Variants in SAMSN1 observed in about 807,000 individuals in gnomAD.
SAMSN1 encodes SAM domain-containing protein SAMSN-1.
SAMSN1 carries 31 observed loss-of-function variants against 42.0 expected under a neutral mutation model. That is an observed-to-expected ratio of 0.74 (90% CI 0.55 to 1.00). The LOEUF (loss-of-function observed/expected upper bound fraction) is 1.00, where lower values mean the gene tolerates loss of function less well. Ranked by LOEUF, SAMSN1 falls within the 50% of genes least tolerant of loss-of-function variation. The pLI is 0.00. For synonymous variants in SAMSN1, 178 were observed against 151.9 expected (o/e 1.17, Z -1.26); for missense variants, 464 against 439.4 (o/e 1.06, Z -0.50).
At chr21:14,593,509 T>C (rs948180086) in intron 7 of SAMSN1, among the ~76,000 whole-genome samples, 5 of 152,146 alleles carry the variant, frequency 3.3e-5, no homozygotes, top group Non-Finnish European at 5.9e-5. Context: ...GATTTTAATA[T>C]CATAAGGGAG....
intron 7 of SAMSN1, among the ~76,000 whole-genome samples, chr21:14,494,217 C>A (rs1293802786): frequency 1.3e-5 from 2 of 152,140 alleles, no homozygotes; most frequent in Admixed American, 1.3e-4. Flanking sequence ...TGGGTCTATA[C>A]CCAAAGGATT....
At chr21:14,565,909 C>A (rs1277014385) in intron 2 of SAMSN1, among the ~76,000 whole-genome samples, 1 of 152,088 alleles carries the variant, frequency 6.6e-6, no homozygotes. Flanking sequence ...AAAGGCAAAC[C>A]AACAAACCTT....
intron 2 of SAMSN1, among the ~76,000 whole-genome samples, chr21:14,569,984 T>TCCCC (rs5842490): frequency 6.7e-6 from 1 of 149,658 alleles, no homozygotes; most frequent in African/African-American, 2.5e-5. Context: ...TTAACCACTT[T>TCCCC]CCCCCCCCCC....
chr21:14,604,455 C>T (rs1982514734), intron 5 of SAMSN1, among the ~76,000 whole-genome samples: 1 of 152,108 alleles, frequency 6.6e-6, no homozygotes, highest in Non-Finnish European at 1.5e-5. Context: ...AGTGGAGGAC[C>T]TATATCCCAG....
At chr21:14,648,715 A>T (rs962945858) in intron 1 of SAMSN1, among the ~76,000 whole-genome samples, 4 of 151,380 alleles carry the variant, frequency 2.6e-5, no homozygotes, top group Non-Finnish European at 5.9e-5. Flanking sequence ...CAAAACCACA[A>T]TGAGATACCA....
Position 14,601,962 on chromosome 21 carries a change from T to G in SAMSN1, c.399+61A>C, listed in dbSNP as rs1220751682. On this transcript the variant is annotated intron_variant, in intron 6 of 15. Transcript: ENST00000647101. ...GTATTGTACACTATGCCTAATATAT[T>G]ACAGAGCTGAGTAACAAGACGATTT... is the stretch of plus-strand genomic sequence containing the variant. The G allele has an allele frequency of 1.8e-5, 11 of 613,630 alleles. No individual in the cohort carries two copies. The Admixed American group carries it at 2.8e-4, about 16-fold the overall frequency. The allele number at this position is 613,630 out of a possible 1,614,324, so 38.0% of individuals were successfully genotyped here.
intron 3 of SAMSN1, among the ~76,000 whole-genome samples, chr21:14,615,520 A>C (rs576546067): frequency 6.6e-6 from 1 of 152,292 alleles, no homozygotes; most frequent in Non-Finnish European, 1.5e-5. Flanking sequence ...TTATCAATTA[A>C]AATCCCATTA....
At chr21:14,569,856 G>A (rs1316665762) in intron 2 of SAMSN1, among the ~76,000 whole-genome samples, 2 of 151,990 alleles carry the variant, frequency 1.3e-5, no homozygotes, top group Non-Finnish European at 2.9e-5. Context: ...AAATATGATG[G>A]TTCTTACCAA....
rs188707915 is a variant in SAMSN1, at chr21:14,578,756, G to C, written c.261+3380C>G. Among the ~76,000 whole-genome samples, 5 of 147,958 alleles carry C rather than the reference G, an allele frequency of 3.4e-5. No individual in the cohort carries two copies. The South Asian group carries it at 6.6e-4, about 19-fold the overall frequency. On this transcript the variant is annotated intron_variant, in intron 2 of 8. Coordinates refer to the SAMSN1 transcript ENST00000285670. ...AATTTTTGAAGTCAAGGAGAAACTAGTGTCCTTGTAGATTAGATTCATTTC... is the reference window on the plus strand; with the variant it reads ...AATTTTTGAAGTCAAGGAGAAACTACTGTCCTTGTAGATTAGATTCATTTC...
At chr21:14,566,234 T>C (rs1338553506) in intron 2 of SAMSN1, among the ~76,000 whole-genome samples, 1 of 152,164 alleles carries the variant, frequency 6.6e-6, no homozygotes, top group African/African-American at 2.4e-5. Flanking sequence ...CTAATTGTGT[T>C]AAATAAGGAT....
chr21:14,603,154 T>C (rs1266661651), intron 5 of SAMSN1, among the ~76,000 whole-genome samples: 1 of 152,056 alleles, frequency 6.6e-6, no homozygotes, highest in Non-Finnish European at 1.5e-5. Context: ...AGCTTGGTTT[T>C]TAGTTTCTGA....
At chr21:14,568,994 T>TA (rs2123214412) in intron 2 of SAMSN1, among the ~76,000 whole-genome samples, 1 of 152,120 alleles carries the variant, frequency 6.6e-6, no homozygotes, top group African/African-American at 2.4e-5. Context: ...AGTCCAGCAT[T>TA]AAAAAACATT....
At position 14,640,531 on chromosome 21, in the gene SAMSN1, G is replaced by C. The variant is rs972813566; in HGVS notation, c.156+2471C>G. ...AACTTTTTTTCCTTACATCAAGATG[G>C]GGGAAGGAAGTGCCAATACCAGGAG... On this transcript the variant is annotated intron_variant, in intron 2 of 15. Coordinates refer to the SAMSN1 transcript ENST00000647101. 9.9e-5 allele frequency among the ~76,000 whole-genome samples: 15 copies of C among 152,066 alleles called. No homozygotes were observed. The South Asian group carries it at 2.3e-3, about 23-fold the overall frequency.
chr21:14,494,520 A>C (rs1214741772), intron 7 of SAMSN1, among the ~76,000 whole-genome samples: 3 of 152,154 alleles, frequency 2.0e-5, no homozygotes, highest in Non-Finnish European at 4.4e-5. Flanking sequence ...GAACACATGG[A>C]CACAGGGAGG....
At chr21:14,521,081 T>C in intron 2 of SAMSN1, 69 bp downstream of exon 2, 3 of 968,648 alleles carry the variant, frequency 3.1e-6, no homozygotes, top group East Asian at 2.5e-5. Flanking sequence ...TTTGCAAAAG[T>C]GACATTGTCT....
At chr21:14,578,301 C>T (rs752789085) in intron 2 of SAMSN1, among the ~76,000 whole-genome samples, 43 of 152,060 alleles carry the variant, frequency 2.8e-4, no homozygotes, top group Non-Finnish European at 4.9e-4. Context: ...CCGGCAATGT[C>T]GGAGCTGCAT....
chr21:14,547,369 T>A (rs1980447167), upstream of SAMSN1, among the ~76,000 whole-genome samples: 6 of 152,176 alleles, frequency 3.9e-5, no homozygotes, highest in Admixed American at 3.9e-4. Flanking sequence ...ATAGTCCTGG[T>A]AGAGCTAATA....
At chr21:14,582,536 A>ATAT in intron 1 of SAMSN1, 1 of 682,220 alleles carries the variant, frequency 1.5e-6, no homozygotes. Flanking sequence ...AATTCTTCAC[A>ATAT]TATAGGAATT....
At chr21:14,622,951 G>T (rs1348286406) in intron 2 of SAMSN1, among the ~76,000 whole-genome samples, 3 of 152,234 alleles carry the variant, frequency 2.0e-5, no homozygotes, top group Non-Finnish European at 2.9e-5. Flanking sequence ...CCAGAAGAGA[G>T]TGGGGGCCAA....
Sources: gnomAD v4.1 joint callset for allele counts (sites outside exome capture counted in the v4.1 genomes callset) on GRCh38, gnomAD v4.1.1 for gene constraint, MANE v1.5 for transcripts, NCBI Gene and HGNC (gene_info 2026-07-23, HGNC 2026-07-21) for gene names.